CADM2: variants seen among roughly 807,000 people sequenced by gnomAD.
CADM2 encodes immunoglobulin superfamily member 4D.
Under a neutral mutation model 49.8 loss-of-function variants are expected in CADM2, and 12 were observed. The ratio of observed to expected loss-of-function variants is 0.24; its 90% CI spans 0.15 to 0.39. CADM2 has a LOEUF of 0.39. Among genes scored for constraint, CADM2 ranks in the 10% least tolerant of loss-of-function variants. CADM2 has a pLI of 1.00. For synonymous variants in CADM2, 214 were observed against 175.4 expected, an observed-to-expected ratio of 1.22 and a Z score of -1.74; for missense variants, 378 against 492.3, an observed-to-expected ratio of 0.77 and a Z score of 2.20.
At chr3:85,518,725 G>A (rs1046292324) in intron 1 of CADM2, among the ~76,000 whole-genome samples, 32 of 152,094 alleles carry the variant, frequency 2.1e-4, no homozygotes, top group African/African-American at 7.5e-4. Context: ...TGGTCACTTT[G>A]CCTCCTCCTT....
At chr3:85,389,835 TG>T (rs1419075597) in intron 1 of CADM2, among the ~76,000 whole-genome samples, 1 of 152,146 alleles carries the variant, frequency 6.6e-6, no homozygotes, top group African/African-American at 2.4e-5. Context: ...ATTTGATATT[TG>T]CAAAGTACGT....
chr3:85,086,393 A>G (rs932399785), intron 1 of CADM2, among the ~76,000 whole-genome samples: 5 of 151,902 alleles, frequency 3.3e-5, no homozygotes, highest in African/African-American at 1.2e-4. Flanking sequence ...TCTTTCCACA[A>G]CTGGGAAAGA....
In CADM2 at chr3:85,119,353, T is replaced by C. The variant is rs535679401; in HGVS notation, c.61+159685T>C. On this transcript the variant is annotated intron_variant, in intron 1 of 9. Coordinates refer to ENST00000383699, the MANE Select transcript of CADM2 (RefSeq NM_001167675.2). ...AAACCTTTGTTCTGTTCCACTGTTC[T>C]ATATATCTGTTTTGGTACCAGTACC... is the stretch of plus-strand genomic sequence containing the variant. Among the ~76,000 whole-genome samples the C allele has an allele frequency of 1.9e-3, 293 of 152,336 alleles. 2 individuals carry two copies. The highest frequency in any genetic ancestry group is 6.8e-3 in the African/African-American group (281 of 41,586).
chr3:86,041,064 AAG>A (rs908094312), intron 8 of CADM2, among the ~76,000 whole-genome samples: 6 of 152,190 alleles, frequency 3.9e-5, no homozygotes, highest in African/African-American at 1.4e-4. Context: ...CCTGCCCTAA[AAG>A]AGCTCCTGAA....
intron 1 of CADM2, among the ~76,000 whole-genome samples, chr3:85,147,914 G>A (rs933647009): frequency 1.3e-5 from 2 of 152,126 alleles, no homozygotes; most frequent in Non-Finnish European, 2.9e-5. Context: ...ATTATAATAT[G>A]TATGTAGTTG....
At chr3:85,465,025 T>C (rs948873813) in intron 1 of CADM2, among the ~76,000 whole-genome samples, 2 of 152,126 alleles carry the variant, frequency 1.3e-5, no homozygotes, top group Non-Finnish European at 1.5e-5. Context: ...GGCACACGCC[T>C]ATAGTCCCAG....
At chr3:85,285,426 A>G (rs965239560) in intron 1 of CADM2, among the ~76,000 whole-genome samples, 88 of 152,254 alleles carry the variant, frequency 5.8e-4, no homozygotes, top group African/African-American at 2.1e-3. Flanking sequence ...TGCATTTAAA[A>G]TATGTCTAAA....
intron 1 of CADM2, among the ~76,000 whole-genome samples, chr3:85,636,898 C>G (rs11922775): frequency 0.21 from 31,504 of 152,100 alleles, 3,735 homozygotes; most frequent in East Asian, 0.53. Context: ...TGTAAGTACA[C>G]TCTATGATGT....
chr3:85,084,330 T>A lies in CADM2; in HGVS notation c.61+124662T>A, dbSNP rs80059444. Among the ~76,000 whole-genome samples, 127 of 152,346 alleles carry A rather than the reference T, an allele frequency of 8.3e-4. 1 individual carries two copies. The highest frequency in any genetic ancestry group is 3.4e-3 in the Middle Eastern group (1 of 294). On this transcript the variant is annotated intron_variant, in intron 1 of 9. Transcript: ENST00000383699. ...CTTTAGCAAAAAGAAATATTCATTTTGTTTTTTAGAATAGTAAACTGCCTT... is the reference window on the plus strand; with the variant it reads ...CTTTAGCAAAAAGAAATATTCATTTAGTTTTTTAGAATAGTAAACTGCCTT...
intron 1 of CADM2, among the ~76,000 whole-genome samples, chr3:85,651,984 C>CTTTTTTTTTTTTTT (rs75263402): frequency 1.6e-4 from 17 of 105,478 alleles, no homozygotes; most frequent in African/African-American, 4.6e-4. Flanking sequence ...CGCCCGGCTA[C>CTTTTTTTTTTTTTT]TTTTTTTTTT....
chr3:84,974,513 A>G (rs570558746), intron 1 of CADM2, among the ~76,000 whole-genome samples: 169 of 149,986 alleles, frequency 1.1e-3, no homozygotes, highest in Non-Finnish European at 1.2e-3. Flanking sequence ...AGAGATGCAT[A>G]CATGTTTGGA....
At chr3:85,523,853 T>G (rs891059141) in intron 1 of CADM2, among the ~76,000 whole-genome samples, 41 of 152,234 alleles carry the variant, frequency 2.7e-4, no homozygotes, top group Admixed American at 4.6e-4. Context: ...AAAACAGAGT[T>G]TTGTTGATCT....
intron 1 of CADM2, among the ~76,000 whole-genome samples, chr3:85,455,030 C>A (rs1405664738): frequency 6.6e-6 from 1 of 152,156 alleles, no homozygotes; most frequent in Non-Finnish European, 1.5e-5. Context: ...ACTTTGTGGA[C>A]AAATTAGCTA....
chr3:85,752,006 A>C (rs1325950915), intron 2 of CADM2, among the ~76,000 whole-genome samples: 1 of 152,152 alleles, frequency 6.6e-6, no homozygotes, highest in Non-Finnish European at 1.5e-5. Context: ...CAAAACACTC[A>C]ACTTTAAGAT....
intron 8 of CADM2, among the ~76,000 whole-genome samples, chr3:86,027,672 G>A (rs1449266795): frequency 1.3e-5 from 2 of 152,056 alleles, no homozygotes; most frequent in Non-Finnish European, 2.9e-5. Flanking sequence ...ATTTTTGAAT[G>A]ATTTTATCAT....
At chr3:85,565,216 T>C (rs555607094) in intron 1 of CADM2, among the ~76,000 whole-genome samples, 2 of 119,728 alleles carry the variant, frequency 1.7e-5, no homozygotes, top group African/African-American at 5.0e-5. Context: ...TGTCAATCTG[T>C]TAGTCGAGAA....
chr3:85,684,608 G>C (rs1348690023), intron 1 of CADM2, among the ~76,000 whole-genome samples: 2 of 152,130 alleles, frequency 1.3e-5, no homozygotes, highest in Non-Finnish European at 2.9e-5. Context: ...TAGGTTTAAT[G>C]GACTCATAGT....
intron 1 of CADM2, among the ~76,000 whole-genome samples, chr3:85,246,857 G>A (rs2042660525): frequency 6.6e-6 from 1 of 152,010 alleles, no homozygotes; most frequent in South Asian, 2.1e-4. Context: ...TTTGTTTGCT[G>A]TGTATATTTT....
chr3:85,908,315 G>C (rs1487932813), intron 5 of CADM2, among the ~76,000 whole-genome samples: 1 of 103,152 alleles, frequency 9.7e-6, no homozygotes, highest in Admixed American at 1.2e-4. Flanking sequence ...TACTTATTTT[G>C]GGTGCTCCAG....
Sources: allele counts gnomAD v4.1 joint callset (sites outside exome capture counted in the v4.1 genomes callset), GRCh38; gene constraint gnomAD v4.1.1; transcripts MANE v1.5; gene names NCBI Gene and HGNC (gene_info 2026-07-23, HGNC 2026-07-21).